The following SEMA3D variants were observed in gnomAD, a reference collection of about 807,000 sequenced individuals.
The protein encoded by SEMA3D is semaphorin-3D.
SEMA3D carries 84 observed loss-of-function variants against 100.1 expected under a neutral mutation model. The observed-to-expected ratio is 0.84, with a 90% CI of 0.70 to 1.01. The LOEUF (loss-of-function observed/expected upper bound fraction) is 1.01, where lower values mean the gene tolerates loss of function less well. Among genes scored for constraint, SEMA3D ranks in the 50% least tolerant of loss-of-function variants. The pLI, the probability that SEMA3D is intolerant of heterozygous loss-of-function variation, is 0.00. For synonymous variants in SEMA3D, 312 were observed against 320.7 expected (o/e 0.97, Z 0.29); for missense variants, 875 against 934.1 (o/e 0.94, Z 0.82).
At chr7:85,069,386 A>G (rs1791711623) in intron 6 of SEMA3D, among the ~76,000 whole-genome samples, 3 of 152,332 alleles carry the variant, frequency 2.0e-5, no homozygotes, top group Admixed American at 1.3e-4. Flanking sequence ...ATGGTTCATA[A>G]TTTTAAGTAA....
chr7:85,190,847 C>T (rs2116603234), upstream of SEMA3D, among the ~76,000 whole-genome samples: 1 of 152,084 alleles, frequency 6.6e-6, no homozygotes, highest in African/African-American at 2.4e-5. Context: ...TAATCATAAA[C>T]ATTCATAGTC....
chr7:85,144,272 A>G (rs1380304558), intron 2 of SEMA3D: 2 of 169,514 alleles, frequency 1.2e-5, no homozygotes, highest in African/African-American at 4.8e-5. Flanking sequence ...ATTTACAACT[A>G]AAAGAGGAGA....
the SEMA3D span, among the ~76,000 whole-genome samples, chr7:85,212,093 T>C: frequency 1.3e-5 from 2 of 152,104 alleles, no homozygotes; most frequent in African/African-American, 4.8e-5. Context: ...TAATAAATAC[T>C]TGGATAGTCA....
intron 2 of SEMA3D, among the ~76,000 whole-genome samples, chr7:85,130,994 G>A (rs537357015): frequency 1.9e-4 from 29 of 152,134 alleles, no homozygotes; most frequent in African/African-American, 6.3e-4. Flanking sequence ...TGATTCCTTC[G>A]TTGTAAGGAC....
intron 2 of SEMA3D, among the ~76,000 whole-genome samples, chr7:85,130,333 A>C (rs1275018238): frequency 6.6e-6 from 1 of 152,214 alleles, no homozygotes; most frequent in Non-Finnish European, 1.5e-5. Context: ...CACTCTTAGC[A>C]GTAATAGTTA....
At chr7:85,157,475 C>CAT in intron 1 of SEMA3D, 1 of 156,962 alleles carries the variant, frequency 6.4e-6, no homozygotes, top group East Asian at 1.9e-4. Context: ...GTCTTTTCTT[C>CAT]ACAGTTTGAC....
chr7:85,140,154 T>C (rs1206898002), intron 2 of SEMA3D: 3 of 396,102 alleles, frequency 7.6e-6, no homozygotes, highest in Non-Finnish European at 1.0e-5. Flanking sequence ...TATTTACTAA[T>C]ATTAAAAAAT....
chr7:85,094,410 TCA>T (rs1788488074), intron 4 of SEMA3D, among the ~76,000 whole-genome samples: 1 of 152,052 alleles, frequency 6.6e-6, no homozygotes, highest in African/African-American at 2.4e-5. Flanking sequence ...GTATTATCAC[TCA>T]CACTAGAAAA....
chr7:85,179,916 C>T (rs1791353148), intron 1 of SEMA3D, among the ~76,000 whole-genome samples: 1 of 152,198 alleles, frequency 6.6e-6, no homozygotes, highest in Admixed American at 6.5e-5. Context: ...CTGCCTCAGC[C>T]TCCCAAAGTG....
intron 3 of SEMA3D, among the ~76,000 whole-genome samples, chr7:85,120,309 G>A (rs1455949908): frequency 2.6e-5 from 4 of 151,898 alleles, no homozygotes; most frequent in African/African-American, 4.8e-5. Flanking sequence ...ATAATTTTAG[G>A]GGAATGACAG....
intron 1 of SEMA3D, among the ~76,000 whole-genome samples, chr7:85,185,385 C>A (rs1791511855): frequency 6.6e-6 from 1 of 151,912 alleles, no homozygotes; most frequent in Non-Finnish European, 1.5e-5. Flanking sequence ...TGCAGGAGAA[C>A]CCTTTTTAGG....
At chr7:85,127,714 C>T (rs2159576) in intron 2 of SEMA3D, among the ~76,000 whole-genome samples, 41,879 of 152,008 alleles carry the variant, frequency 0.28, 6,064 homozygotes, top group East Asian at 0.39. Context: ...TCAATTTGCT[C>T]TTCAAAGCAG....
intron 12 of SEMA3D, chr7:85,029,263 C>G: frequency 1.2e-6 from 1 of 808,826 alleles, no homozygotes; most frequent in Non-Finnish European, 2.2e-6. Flanking sequence ...AATGTCTACT[C>G]TCACTGATGA....
intron 2 of SEMA3D, among the ~76,000 whole-genome samples, chr7:85,147,686 ATTAT>A (rs1420550192): frequency 7.9e-5 from 12 of 152,252 alleles, no homozygotes; most frequent in Non-Finnish European, 1.5e-4. Context: ...TTATTTAAAT[ATTAT>A]TTATTTATCC....
chr7:85,029,127 G>C (rs1790474163), intron 12 of SEMA3D: 2 of 614,742 alleles, frequency 3.3e-6, no homozygotes, highest in Non-Finnish European at 6.1e-6. Context: ...ACTCTGACAA[G>C]CCTAGCATGT....
intron 2 of SEMA3D, among the ~76,000 whole-genome samples, chr7:85,148,063 A>G (rs558478808): frequency 1.3e-4 from 20 of 152,302 alleles, no homozygotes; most frequent in African/African-American, 4.8e-4. Context: ...GATCACAATG[A>G]CAATCTATTT....
intron 1 of SEMA3D, among the ~76,000 whole-genome samples, chr7:85,176,696 A>G (rs1337587769): frequency 6.6e-6 from 1 of 152,044 alleles, no homozygotes; most frequent in East Asian, 1.9e-4. Context: ...CAATTAAAAA[A>G]AATTCAGCAA....
intron 9 of SEMA3D, among the ~76,000 whole-genome samples, chr7:85,045,469 A>G (rs1790981975): frequency 6.6e-6 from 1 of 152,052 alleles, no homozygotes; most frequent in South Asian, 2.1e-4. Flanking sequence ...CCTGTCGGTA[A>G]TTGCTCTTAC....
chr7:85,077,036 G>C (rs1791945060), intron 5 of SEMA3D, among the ~76,000 whole-genome samples: 1 of 150,302 alleles, frequency 6.7e-6, no homozygotes, highest in South Asian at 2.1e-4. Context: ...AACCCGGGCA[G>C]CAGAGGTTGC....
Sources: gnomAD v4.1 joint callset for allele counts (sites outside exome capture counted in the v4.1 genomes callset) on GRCh38, gnomAD v4.1.1 for gene constraint, MANE v1.5 for transcripts, NCBI Gene and HGNC (gene_info 2026-07-23, HGNC 2026-07-21) for gene names.